The following HSD17B14 variants were observed in gnomAD, a reference collection of about 807,000 sequenced individuals.
The protein encoded by HSD17B14 is L-fucose dehydrogenase.
A neutral mutation model predicts 32.2 loss-of-function variants in HSD17B14; 32 were observed. That is an observed-to-expected ratio of 0.99 (90% CI 0.75 to 1.33). The LOEUF is 1.33. Ranked by LOEUF, HSD17B14 falls within the 40% of genes most tolerant of loss-of-function variation. The probability of loss-of-function intolerance (pLI) is 0.00; values close to 1 mark genes in which losing one functional copy is unlikely to be tolerated. For synonymous variants in HSD17B14, 140 were observed against 155.4 expected, an observed-to-expected ratio of 0.90 and a Z score of 0.74; for missense variants, 370 against 366.5, an observed-to-expected ratio of 1.01 and a Z score of -0.08.
chr19:48,825,606 A>G (rs2035230610), intron 5 of HSD17B14, among the ~76,000 whole-genome samples: 1 of 151,756 alleles, frequency 6.6e-6, no homozygotes, highest in Admixed American at 6.6e-5. Context: ...AATATTGATA[A>G]GAGTTTCATG....
chr19:48,818,066 C>A (rs1568518008), intron 5 of HSD17B14, among the ~76,000 whole-genome samples: 2 of 152,188 alleles, frequency 1.3e-5, no homozygotes, highest in East Asian at 3.9e-4. Flanking sequence ...AATCCTAGAA[C>A]TTTGGGAGGC....
chr19:48,821,875 C>T (rs1193071214), intron 5 of HSD17B14, among the ~76,000 whole-genome samples: 1 of 145,560 alleles, frequency 6.9e-6, no homozygotes, highest in Non-Finnish European at 1.5e-5. Flanking sequence ...TAGTGATGAT[C>T]ATGATGGTGA....
intron 5 of HSD17B14, among the ~76,000 whole-genome samples, chr19:48,831,077 C>T (rs1442340669): frequency 1.3e-5 from 2 of 151,930 alleles, no homozygotes; most frequent in Non-Finnish European, 2.9e-5. Flanking sequence ...TCAAGTGAAC[C>T]TCCCACAAGG....
chr19:48,833,224 CAG>C (rs967828078), intron 3 of HSD17B14, among the ~76,000 whole-genome samples: 1 of 150,352 alleles, frequency 6.7e-6, no homozygotes, highest in Non-Finnish European at 1.5e-5. Context: ...AGGAAGGAGA[CAG>C]GGGGCTGGTC....
intron 5 of HSD17B14, among the ~76,000 whole-genome samples, chr19:48,823,763 G>A (rs867982953): frequency 8.7e-5 from 13 of 150,158 alleles, no homozygotes; most frequent in African/African-American, 3.2e-4. Flanking sequence ...TCAGCCTCCC[G>A]AGTAGCTGGG....
chr19:48,824,769 CA>C (rs201759749), intron 5 of HSD17B14, among the ~76,000 whole-genome samples: 15 of 96,818 alleles, frequency 1.5e-4, no homozygotes, highest in South Asian at 7.1e-4. Context: ...TAAAGAAAGA[CA>C]AAAAAAAAAA....
At chr19:48,816,795 C>CTTTCTTTCTTTCTTTCTT (rs1375772946) in intron 5 of HSD17B14, among the ~76,000 whole-genome samples, 11 of 107,270 alleles carry the variant, frequency 1.0e-4, no homozygotes, top group Non-Finnish European at 2.0e-4. Flanking sequence ...TTCTTTCTTT[C>CTTTCTTTCTTTCTTTCTT]TTTCTTTCTT....
In HSD17B14 at chr19:48,832,724, A is replaced by T. The variant is rs1337170356; in HGVS notation, c.219T>A (p.Val73=). 9 of 1,612,132 alleles carry T rather than the reference A, an allele frequency of 5.6e-6. No homozygotes were observed. Among genetic ancestry groups the T allele is most frequent in the Non-Finnish European group, 7.6e-6 (9 of 1,179,514 alleles). The stretch of plus-strand genomic sequence containing the variant: ...GGCCAAATCGGCGGATGGTCTCAGA[A>T]ACCAGGGTCTGAGGAGAAAGGAAAT... The part of the protein sequence containing the change: ...VTQEDDVKTL[V]SETIRRFGRL... Residue 73 remains valine (V), a synonymous_variant, in exon 4 of 9, where the codon GTT becomes GTA. Transcript: ENST00000263278.
chr19:48,832,582 G>C, intron 4 of HSD17B14, 84 bp downstream of exon 4: 1 of 1,197,590 alleles, frequency 8.4e-7, no homozygotes. Flanking sequence ...AGGGAATCAG[G>C]GGCAGGGAGT....
rs1459596517 is a variant in HSD17B14 at position 48,834,329 on chromosome 19, G to A, written c.157C>T (p.Leu53Phe). 2 of 1,613,996 alleles carry A rather than the reference G, an allele frequency of 1.2e-6. No homozygotes were observed. The highest frequency in any genetic ancestry group is 1.7e-6 in the Non-Finnish European group (2 of 1,179,912). The change falls in exon 3 of 9, where the codon CTC becomes TTC. Residue 53 changes from leucine to phenylalanine, a missense_variant. Coordinates refer to ENST00000263278, the MANE Select transcript of HSD17B14 (RefSeq NM_016246.3). ...ESGGRALEQE[L>F]PGAVFILCDV... The stretch of plus-strand genomic sequence containing the variant: ...CAGAGGATAAAGACAGCTCCAGGGA[G>A]CTCCTGCTCCAGGGCCCGGCCCCCA...
chr19:48,820,320 A>G (rs1427440538), intron 5 of HSD17B14, among the ~76,000 whole-genome samples: 1 of 151,664 alleles, frequency 6.6e-6, no homozygotes, highest in Non-Finnish European at 1.5e-5. Flanking sequence ...CTAAAAATAC[A>G]TTAGCCAGGC....
intron 5 of HSD17B14, among the ~76,000 whole-genome samples, chr19:48,822,475 G>A (rs899844173): frequency 6.0e-5 from 9 of 151,202 alleles, no homozygotes; most frequent in South Asian, 2.1e-4. Flanking sequence ...TGGTGATGAC[G>A]GTGGTAATGG....
At chr19:48,816,194 T>C (rs964163919) in intron 5 of HSD17B14, among the ~76,000 whole-genome samples, 2 of 152,264 alleles carry the variant, frequency 1.3e-5, no homozygotes, top group Middle Eastern at 3.4e-3. Flanking sequence ...TGATCTCGCT[T>C]GCCTTAGAAA....
chr19:48,832,944 A>T (rs1455558379), intron 3 of HSD17B14, among the ~76,000 whole-genome samples: 1 of 151,670 alleles, frequency 6.6e-6, no homozygotes, highest in African/African-American at 2.4e-5. Flanking sequence ...TAGTAGAGAC[A>T]GGGATTCACT....
Position 48,813,362 on chromosome 19 carries a change from AG to A in HSD17B14, c.640-15del, listed in dbSNP as rs367957131. The A allele has an allele frequency of 1.3e-4, 201 of 1,563,896 alleles. 1 individual carries two copies. The South Asian group carries it at 1.5e-3, about 12-fold the overall frequency. The stretch of plus-strand genomic sequence containing the variant: ...GCGGCCCAGTGGCTGGGGAGAAAAG[AG>A]GGGGGAAGGAGGTCAAGAGGAGCCC... On this transcript the variant is annotated splice_polypyrimidine_tract_variant and intron_variant, in intron 8 of 8. Transcript: ENST00000263278.
chr19:48,822,913 T>C (rs1467293959), intron 5 of HSD17B14, among the ~76,000 whole-genome samples: 1 of 151,776 alleles, frequency 6.6e-6, no homozygotes, highest in Non-Finnish European at 1.5e-5. Flanking sequence ...ATGGTGAGGG[T>C]GGTAACAATG....
At chr19:48,830,197 C>T (rs1164942239) in intron 5 of HSD17B14, among the ~76,000 whole-genome samples, 1 of 152,104 alleles carries the variant, frequency 6.6e-6, no homozygotes, top group Non-Finnish European at 1.5e-5. Flanking sequence ...AAGGACTTAA[C>T]TTGTGCAAGC....
intron 5 of HSD17B14, among the ~76,000 whole-genome samples, chr19:48,822,510 C>T (rs1055337251): frequency 3.7e-5 from 4 of 108,112 alleles, no homozygotes; most frequent in Admixed American, 2.0e-4. Context: ...GTGGTAATGA[C>T]GATGGTGATG....
chr19:48,834,216 G>A lies in HSD17B14; in HGVS notation c.210+60C>T. 2.9e-6 allele frequency: 4 copies of A among 1,372,378 alleles called. No individual in the cohort carries two copies. In the South Asian group the frequency reaches 4.7e-5, roughly 16 times the overall value. 85.0% of individuals were successfully genotyped at this position (1,372,378 alleles called of 1,614,324 possible). Reference sequence around the variant, plus strand: ...AGGGAAAGGCATATGCAAATGGCTGGAGGAGAACAAAGAACTGGTCATTAG... The same window carrying A: ...AGGGAAAGGCATATGCAAATGGCTGAAGGAGAACAAAGAACTGGTCATTAG... On this transcript the variant is annotated intron_variant, in intron 3 of 8. Transcript: ENST00000263278.
Sources: gnomAD v4.1 joint callset for allele counts (sites outside exome capture counted in the v4.1 genomes callset) on GRCh38, gnomAD v4.1.1 for gene constraint, MANE v1.5 for transcripts, NCBI Gene and HGNC (gene_info 2026-07-23, HGNC 2026-07-21) for gene names.